The following ADGRG7 variants were observed in gnomAD, a reference collection of about 807,000 sequenced individuals.
ADGRG7 encodes G-protein coupled receptor 128.
In ADGRG7, 82 loss-of-function variants were observed where a neutral mutation model predicts 88.6. That is an observed-to-expected ratio of 0.93 (90% CI 0.77 to 1.11). The LOEUF is 1.11. ADGRG7 is among the 50% of genes most tolerant of loss of function. The probability of loss-of-function intolerance (pLI) is 0.00; values close to 1 mark genes in which losing one functional copy is unlikely to be tolerated. For missense variants in ADGRG7, 945 were observed against 953.4 expected, an observed-to-expected ratio of 0.99 and a Z score of 0.12; for synonymous variants, 381 against 345.2, an observed-to-expected ratio of 1.10 and a Z score of -1.15.
chr3:100,672,660 T>C (rs1404214238), intron 15 of ADGRG7, among the ~76,000 whole-genome samples: 1 of 152,168 alleles, frequency 6.6e-6, no homozygotes, highest in Admixed American at 6.5e-5. Context: ...TGCTTCCAGT[T>C]TTTGCCCATT....
intron 15 of ADGRG7, 105 bp from the exon 16 acceptor site, chr3:100,694,639 A>G: frequency 9.5e-7 from 1 of 1,057,690 alleles, no homozygotes; most frequent in Admixed American, 2.6e-5. Context: ...AAGTTGGGGA[A>G]GTGCCGTGCA....
At chr3:100,637,160 A>G in intron 5 of ADGRG7, 142 bp from the exon 6 acceptor site, 4 of 597,942 alleles carry the variant, frequency 6.7e-6, no homozygotes, top group South Asian at 4.1e-5. Flanking sequence ...CAAAGAATAA[A>G]CCTTTAATTT....
Position 100,656,140 on chromosome 3 carries a change from A to G in ADGRG7, c.1823+145A>G, listed in dbSNP as rs539535574. ...TAGACATTTGAAATTCTCAAAGAAC[A>G]CGTTATATTTTAAATGTGATGACAT... is the stretch of plus-strand genomic sequence containing the variant. On this transcript the variant is annotated intron_variant, in intron 13 of 15. Coordinates refer to ENST00000273352, the MANE Select transcript of ADGRG7 (RefSeq NM_032787.3). 1.1e-3 allele frequency: 549 copies of G among 507,290 alleles called. 5 individuals are homozygous for G. Among genetic ancestry groups the G allele is most frequent in the South Asian group, 9.2e-3 (236 of 25,546 alleles). 31.4% of individuals were successfully genotyped at this position (507,290 alleles called of 1,614,324 possible).
chr3:100,633,091 T>A (rs1048130468), intron 3 of ADGRG7, among the ~76,000 whole-genome samples, 174 bp from the exon 4 acceptor site: 1 of 152,174 alleles, frequency 6.6e-6, no homozygotes, highest in Non-Finnish European at 1.5e-5. Context: ...AGTCAACTGG[T>A]CTTTTGAAGT....
chr3:100,645,841 A>T (rs1707734967), intron 8 of ADGRG7, 104 bp from the exon 9 acceptor site: 2 of 996,006 alleles, frequency 2.0e-6, no homozygotes, highest in African/African-American at 1.6e-5. Context: ...ACTGTACTTT[A>T]CTCAAATATT....
At chr3:100,666,265 C>A (rs2094951610) in intron 14 of ADGRG7, among the ~76,000 whole-genome samples, 1 of 152,026 alleles carries the variant, frequency 6.6e-6, no homozygotes, top group Admixed American at 6.5e-5. Context: ...GGGGAACCAG[C>A]GTTCAGCATA....
At chr3:100,686,940 G>A (rs1169460328) in intron 15 of ADGRG7, among the ~76,000 whole-genome samples, 1 of 152,106 alleles carries the variant, frequency 6.6e-6, no homozygotes, top group Non-Finnish European at 1.5e-5. Flanking sequence ...GCTTGATGGG[G>A]TTGGCATTGA....
chr3:100,644,551 AAG>A (rs1351098066), intron 8 of ADGRG7, among the ~76,000 whole-genome samples: 6 of 152,176 alleles, frequency 3.9e-5, no homozygotes, highest in African/African-American at 1.4e-4. Context: ...CTCTTTAAAA[AAG>A]AGAGAGACAA....
intron 2 of ADGRG7, among the ~76,000 whole-genome samples, chr3:100,630,148 T>C (rs940519979): frequency 4.6e-5 from 7 of 152,148 alleles, no homozygotes; most frequent in Non-Finnish European, 8.8e-5. Flanking sequence ...TTCCTCTACC[T>C]TGAAGAGTTG....
chr3:100,620,162 G>A (rs982502052), intron 1 of ADGRG7, among the ~76,000 whole-genome samples: 1 of 152,058 alleles, frequency 6.6e-6, no homozygotes, highest in African/African-American at 2.4e-5. Flanking sequence ...ATCCTCAGTA[G>A]AATACTGGCA....
chr3:100,612,300 T>C (rs1023542828), intron 1 of ADGRG7, among the ~76,000 whole-genome samples: 5 of 152,154 alleles, frequency 3.3e-5, no homozygotes, highest in African/African-American at 1.2e-4. Flanking sequence ...TGTACAACAA[T>C]ATTTATGCTA....
chr3:100,650,117 A>C (rs2094926827), intron 11 of ADGRG7, among the ~76,000 whole-genome samples: 1 of 152,228 alleles, frequency 6.6e-6, no homozygotes, highest in African/African-American at 2.4e-5. Flanking sequence ...CATGCCTAGC[A>C]ATTTGTATTT....
intron 3 of ADGRG7, among the ~76,000 whole-genome samples, chr3:100,631,662 C>T (rs1220229126): frequency 2.0e-5 from 3 of 152,070 alleles, no homozygotes; most frequent in Non-Finnish European, 2.9e-5. Context: ...AAACTACTGC[C>T]GGCAATGGCC....
At position 100,622,972 on chromosome 3, in the gene ADGRG7, C is replaced by T. The variant is rs368811010; in HGVS notation, c.116-6626C>T. ...GACAGGGTTTTGAGACCAGGTTGGC[C>T]AGGCTGGTCTCAAACTCCTGACGTC... On this transcript the variant is annotated intron_variant, in intron 1 of 15. Coordinates refer to ENST00000273352, the MANE Select transcript of ADGRG7 (RefSeq NM_032787.3). 2.0e-5 allele frequency among the ~76,000 whole-genome samples: 3 copies of T among 151,582 alleles called. 1 individual carries two copies. Among genetic ancestry groups the T allele is most frequent in the African/African-American group, 7.3e-5 (3 of 41,332 alleles).
rs538972577 is a variant in ADGRG7, at chr3:100,620,243, G to T, written c.116-9355G>T. On this transcript the variant is annotated intron_variant, in intron 1 of 15. Transcript: ENST00000273352. ...GTGGGCTTCATCCCTGGGATGCAAG[G>T]CTGGTTCAACATACGCAAATCAATA... Among the ~76,000 whole-genome samples, 8 of 152,324 alleles carry T rather than the reference G, an allele frequency of 5.3e-5. No individual in the cohort carries two copies. The South Asian group carries it at 6.2e-4, about 12-fold the overall frequency.
chr3:100,643,482 T>C (rs1707680795), intron 7 of ADGRG7, 44 bp from the exon 8 acceptor site: 4 of 1,607,264 alleles, frequency 2.5e-6, no homozygotes, highest in Admixed American at 1.7e-5. Context: ...GCTCTACTCA[T>C]GATAATGTAG....
intron 1 of ADGRG7, among the ~76,000 whole-genome samples, chr3:100,617,962 A>G (rs1256476920): frequency 1.3e-5 from 2 of 152,150 alleles, no homozygotes; most frequent in Admixed American, 6.5e-5. Context: ...TTCTCTGATG[A>G]CCAGTGATGA....
intron 8 of ADGRG7, among the ~76,000 whole-genome samples, chr3:100,644,640 G>A (rs1219701484): frequency 6.6e-6 from 1 of 151,570 alleles, no homozygotes; most frequent in East Asian, 1.9e-4. Flanking sequence ...CAATCCTCCA[G>A]CCTCAGCCTC....
intron 1 of ADGRG7, among the ~76,000 whole-genome samples, chr3:100,619,187 C>T (rs556833918): frequency 1.3e-5 from 2 of 152,052 alleles, no homozygotes; most frequent in Admixed American, 6.6e-5. Context: ...TGTAAAAGAA[C>T]AGAAATCATA....
Sources: gnomAD v4.1 joint callset for allele counts (sites outside exome capture counted in the v4.1 genomes callset) on GRCh38, gnomAD v4.1.1 for gene constraint, MANE v1.5 for transcripts, NCBI Gene and HGNC (gene_info 2026-07-23, HGNC 2026-07-21) for gene names.